The following DCAF17 variants were observed in gnomAD, a reference collection of about 807,000 sequenced individuals.
The protein encoded by DCAF17 is DDB1- and CUL4-associated factor 17.
A neutral mutation model predicts 66.0 loss-of-function variants in DCAF17; 48 were observed. That is an observed-to-expected ratio of 0.73 (90% CI 0.58 to 0.92). DCAF17 has a LOEUF of 0.92. Ranked by LOEUF, DCAF17 falls within the 40% of genes least tolerant of loss-of-function variation. DCAF17 has a pLI of 0.00. For missense variants in DCAF17, 562 were observed against 622.8 expected, an observed-to-expected ratio of 0.90 and a Z score of 1.04; for synonymous variants, 206 against 214.6, an observed-to-expected ratio of 0.96 and a Z score of 0.35.
chr2:171,442,228 T>C (rs1054428688), intron 2 of DCAF17, among the ~76,000 whole-genome samples: 2 of 152,190 alleles, frequency 1.3e-5, no homozygotes, highest in Non-Finnish European at 2.9e-5. Flanking sequence ...AAATTGTTTC[T>C]CTTTCAACAG....
intron 2 of DCAF17, among the ~76,000 whole-genome samples, chr2:171,440,979 A>G (rs1201774836): frequency 1.3e-5 from 2 of 152,190 alleles, no homozygotes; most frequent in African/African-American, 4.8e-5. Context: ...TTTAGAGAGA[A>G]TAGTCAGCTT....
intron 8 of DCAF17, 136 bp from the exon 9 acceptor site, chr2:171,468,751 AT>A: frequency 8.3e-7 from 1 of 1,198,946 alleles, no homozygotes; most frequent in Non-Finnish European, 1.2e-6. Flanking sequence ...ATTGTATTTT[AT>A]TTCCTTGAAC....
At chr2:171,453,066 A>C (rs1285969048) in intron 5 of DCAF17, 58 bp from the exon 6 acceptor site, 17 of 1,209,726 alleles carry the variant, frequency 1.4e-5, no homozygotes, top group Middle Eastern at 1.9e-4. Context: ...ACTAATGAAA[A>C]CAGTGTGTTT....
At chr2:171,435,225 C>T (rs1218612187) in intron 2 of DCAF17, 39 bp downstream of exon 2, 1 of 1,420,434 alleles carries the variant, frequency 7.0e-7, no homozygotes, top group Non-Finnish European at 1.0e-6. Flanking sequence ...ATTCACCTCA[C>T]TGTTGATCTT....
intron 12 of DCAF17, 50 bp downstream of exon 12, chr2:171,478,120 G>C: frequency 6.7e-7 from 1 of 1,493,166 alleles, no homozygotes; most frequent in East Asian, 2.3e-5. Flanking sequence ...TCCTTGCATT[G>C]TGAATTTCAT....
At chr2:171,444,765 T>C (rs1574330546) in intron 3 of DCAF17, among the ~76,000 whole-genome samples, 1 of 152,210 alleles carries the variant, frequency 6.6e-6, no homozygotes, top group African/African-American at 2.4e-5. Flanking sequence ...TCATAATATG[T>C]GACCAAAAAT....
intron 8 of DCAF17, among the ~76,000 whole-genome samples, chr2:171,461,584 A>G (rs1341115074): frequency 2.0e-5 from 3 of 152,180 alleles, no homozygotes; most frequent in East Asian, 1.9e-4. Context: ...ATATATTTCT[A>G]TATGTTTAAA....
intron 8 of DCAF17, among the ~76,000 whole-genome samples, chr2:171,461,639 T>G (rs1430806654): frequency 1.3e-5 from 2 of 152,184 alleles, no homozygotes. Flanking sequence ...ATAACTCACT[T>G]GTTAAGAAAT....
rs1696870948 is a variant in DCAF17 at position 171,484,448 on chromosome 2, T to C, written c.*3334T>C. The C allele has an allele frequency of 2.3e-6, 1 of 425,928 alleles. No individual in the cohort carries two copies. The highest frequency in any genetic ancestry group is 2.1e-5 in the African/African-American group (1 of 48,280). The allele number at this position is 425,928 out of a possible 1,614,324, so 26.4% of individuals were successfully genotyped here. On this transcript the variant is annotated 3_prime_UTR_variant, in exon 14 of 14. Transcript: ENST00000375255. Reference sequence around the variant, plus strand: ...TGACCACGGGGATTCTACATCTTACTCTACTTGTTTTATTATTTTCCTATC... The same window carrying C: ...TGACCACGGGGATTCTACATCTTACCCTACTTGTTTTATTATTTTCCTATC...
At chr2:171,474,120 G>T in intron 10 of DCAF17, 145 bp downstream of exon 10, 1 of 694,642 alleles carries the variant, frequency 1.4e-6, no homozygotes. Context: ...CTGGCATACA[G>T]AACACCTGAA....
chr2:171,466,414 G>A (rs12471094), intron 8 of DCAF17, among the ~76,000 whole-genome samples: 50,375 of 151,692 alleles, frequency 0.33, 9,589 homozygotes, highest in East Asian at 0.63. Flanking sequence ...TTTTCACAAT[G>A]TAGGAAGTGG....
In DCAF17 at chr2:171,434,286, CG is replaced by C; in HGVS notation, c.-290del. The C allele has an allele frequency of 3.5e-6, 2 of 573,116 alleles. No homozygotes were observed. The highest frequency in any genetic ancestry group is 6.5e-6 in the Non-Finnish European group (2 of 305,926). 35.5% of individuals were successfully genotyped at this position (573,116 alleles called of 1,614,324 possible). ...ACATTTCCCGGTGAGAGAGCGGCTC[CG>C]GCCGGCCGCGCGGTACCGGAGCGTC... On this transcript the variant is annotated 5_prime_UTR_variant, in exon 1 of 14. Transcript: ENST00000375255.
chr2:171,454,004 T>A (rs576288416), intron 6 of DCAF17, among the ~76,000 whole-genome samples: 112 of 152,238 alleles, frequency 7.4e-4, no homozygotes, highest in South Asian at 1.2e-3. Flanking sequence ...GCACTTTGAA[T>A]ATTTTACAAC....
Position 171,473,870 on chromosome 2 carries a change from A to G in DCAF17, c.986A>G (p.Lys329Arg). 6.2e-7 allele frequency: 1 copy of G among 1,613,434 alleles called. No individual in the cohort carries two copies. The highest frequency in any genetic ancestry group is 8.5e-7 in the Non-Finnish European group (1 of 1,179,610). Reference sequence around the variant, plus strand: ...AATACTTTTTTCCAACTTCAGGCAAAAAATGGGATCCAAGAAATGGATTGT... The same window carrying G: ...AATACTTTTTTCCAACTTCAGGCAAGAAATGGGATCCAAGAAATGGATTGT... ...ICALKDNSLAKNGIQEMDCCS... is the reference protein window; with the variant it reads ...ICALKDNSLARNGIQEMDCCS... The change falls in exon 10 of 14, where the codon AAA becomes AGA. Residue 329 changes from lysine (K) to arginine (R), a missense_variant. Physicochemically the swap from Lys to Arg is conservative, Grantham distance 26. Coordinates refer to ENST00000375255, the MANE Select transcript of DCAF17 (RefSeq NM_025000.4).
rs1182086951 is a variant in DCAF17 at position 171,483,729 on chromosome 2, A to G, written c.*2615A>G. 2 of 453,972 alleles carry G rather than the reference A, an allele frequency of 4.4e-6. No homozygotes were observed. The highest frequency in any genetic ancestry group is 8.8e-6 in the Non-Finnish European group (2 of 226,804). 28.1% of individuals were successfully genotyped at this position (453,972 alleles called of 1,614,324 possible). ...CAGTATAAGTAAAGTGGGTTGTCTC[A>G]TTTAATATTCAGAATAACCACATGA... is the stretch of plus-strand genomic sequence containing the variant. On this transcript the variant is annotated 3_prime_UTR_variant, in exon 14 of 14. Coordinates refer to ENST00000375255, the MANE Select transcript of DCAF17 (RefSeq NM_025000.4).
chr2:171,443,185 T>G (rs112994547), intron 2 of DCAF17: 1 of 174,126 alleles, frequency 5.7e-6, no homozygotes, highest in Non-Finnish European at 1.2e-5. Context: ...AACAGAGATA[T>G]TCTTAGTAAA....
At position 171,481,274 on chromosome 2, in the gene DCAF17, T is replaced by C. The variant is rs768860063; in HGVS notation, c.*160T>C. 6 of 885,178 alleles carry C rather than the reference T, an allele frequency of 6.8e-6. No homozygotes were observed. The Admixed American group carries it at 1.2e-4, about 17-fold the overall frequency. The allele number at this position is 885,178 out of a possible 1,614,324, so 54.8% of individuals were successfully genotyped here. A position where few individuals can be genotyped will look rare whatever the true frequency, so the allele number is the denominator to read the frequency against. On this transcript the variant is annotated 3_prime_UTR_variant, in exon 14 of 14. Transcript: ENST00000375255. The stretch of plus-strand genomic sequence containing the variant: ...TGACTTCTTTTTTAAACTCTTGCTG[T>C]AAAAGATGGTGAGGACTTCATTTTT...
intron 3 of DCAF17, among the ~76,000 whole-genome samples, chr2:171,447,769 TG>T (rs1694719875): frequency 2.0e-5 from 3 of 152,260 alleles, no homozygotes; most frequent in Admixed American, 2.0e-4. Context: ...CTCAAAGTGC[TG>T]GGATTACAGG....
chr2:171,472,359 A>G (rs1233967811), intron 9 of DCAF17, among the ~76,000 whole-genome samples: 1 of 152,058 alleles, frequency 6.6e-6, no homozygotes, highest in Non-Finnish European at 1.5e-5. Context: ...TTGTATTTTT[A>G]GTAGAAACAG....
Sources: gnomAD v4.1 joint callset for allele counts (sites outside exome capture counted in the v4.1 genomes callset) on GRCh38, gnomAD v4.1.1 for gene constraint, MANE v1.5 for transcripts, NCBI Gene and HGNC (gene_info 2026-07-23, HGNC 2026-07-21) for gene names.